The following TAF3 variants were observed in gnomAD, a reference collection of about 807,000 sequenced individuals.
TAF3 encodes the protein TATA-box binding protein associated factor 3, also known as transcription initiation factor TFIID subunit 3.
TAF3 carries 7 observed loss-of-function variants against 80.6 expected under a neutral mutation model. The observed-to-expected ratio is 0.09, with a 90% CI of 0.05 to 0.16. The LOEUF (loss-of-function observed/expected upper bound fraction) is 0.16, where lower values mean the gene tolerates loss of function less well. Among genes scored for constraint, TAF3 ranks in the 10% least tolerant of loss-of-function variants. The pLI, the probability that TAF3 is intolerant of heterozygous loss-of-function variation, is 1.00. For missense variants in TAF3, 921 were observed against 1,140.2 expected (o/e 0.81, Z 2.77); for synonymous variants, 444 against 446.1 (o/e 1.00, Z 0.06).
At chr10:7,895,949 G>A (rs1403494346) in intron 2 of TAF3, among the ~76,000 whole-genome samples, 4 of 152,172 alleles carry the variant, frequency 2.6e-5, no homozygotes, top group Non-Finnish European at 5.9e-5. Flanking sequence ...TGACCATGCG[G>A]GGGTGGAAAT....
intron 3 of TAF3, among the ~76,000 whole-genome samples, chr10:7,974,349 T>C (rs968159146): frequency 2.6e-5 from 4 of 152,210 alleles, no homozygotes; most frequent in African/African-American, 9.7e-5. Flanking sequence ...GTGGGCAAGT[T>C]GATACGTTAA....
At chr10:7,973,959 C>T (rs1200397256) in intron 3 of TAF3, among the ~76,000 whole-genome samples, 2 of 151,934 alleles carry the variant, frequency 1.3e-5, no homozygotes, top group East Asian at 3.9e-4. Context: ...GAAACCCTGT[C>T]TCTAATACAA....
At chr10:7,924,069 C>T (rs1213497704) in intron 2 of TAF3, among the ~76,000 whole-genome samples, 6 of 152,144 alleles carry the variant, frequency 3.9e-5, no homozygotes, top group Non-Finnish European at 7.3e-5. Context: ...TCTCTTTGCG[C>T]ACACCAATGC....
chr10:7,911,359 T>A (rs1837655551), intron 2 of TAF3, among the ~76,000 whole-genome samples: 1 of 152,252 alleles, frequency 6.6e-6, no homozygotes. Flanking sequence ...GAGAAAATAC[T>A]TAAGTTACTG....
At chr10:7,860,290 GAAA>G (rs928520189) in intron 2 of TAF3, among the ~76,000 whole-genome samples, 1 of 135,794 alleles carries the variant, frequency 7.4e-6, no homozygotes. Flanking sequence ...AAAAAAAGAA[GAAA>G]AAAAAAAAGA....
At position 7,965,520 on chromosome 10, in the gene TAF3, A is replaced by G. The variant is rs1831561606; in HGVS notation, c.2010A>G (p.Thr670=). The G allele has an allele frequency of 1.2e-6, 2 of 1,603,044 alleles. No individual in the cohort carries two copies. The highest frequency in any genetic ancestry group is 8.5e-7 in the Non-Finnish European group (1 of 1,177,300). Residue 670 remains threonine (T), a synonymous_variant, in exon 3 of 7, where the codon ACA becomes ACG. Coordinates refer to ENST00000344293, the MANE Select transcript of TAF3 (RefSeq NM_031923.4). The part of the protein sequence containing the change: ...ELALPLFSPA[T]ASRVPAMLPS... ...CCCTGCCCTTGTTCAGCCCTGCCAC[A>G]GCCTCCAGGGTCCCAGCCATGCTGC...
intron 2 of TAF3, among the ~76,000 whole-genome samples, chr10:7,886,138 G>A (rs983153724): frequency 6.6e-6 from 1 of 151,932 alleles, no homozygotes; most frequent in Non-Finnish European, 1.5e-5. Context: ...TATGTTGCCT[G>A]GGCTGGTCTC....
intron 2 of TAF3, among the ~76,000 whole-genome samples, chr10:7,918,957 CAGA>C (rs1004363195): frequency 1.1e-4 from 17 of 152,100 alleles, no homozygotes; most frequent in South Asian, 2.1e-4. Context: ...GCGTGGTATA[CAGA>C]AGAAGAAATT....
intron 4 of TAF3, among the ~76,000 whole-genome samples, chr10:7,981,177 G>A (rs1831722299): frequency 6.6e-6 from 1 of 152,210 alleles, no homozygotes; most frequent in Non-Finnish European, 1.5e-5. Flanking sequence ...TAGGGTAGAG[G>A]AATAAGCATT....
At chr10:7,904,832 C>G (rs879832871) in intron 2 of TAF3, among the ~76,000 whole-genome samples, 2 of 152,008 alleles carry the variant, frequency 1.3e-5, no homozygotes, top group African/African-American at 4.8e-5. Flanking sequence ...CGGGGCCGAC[C>G]GTAACTGGCT....
intron 3 of TAF3, among the ~76,000 whole-genome samples, chr10:7,976,413 A>ATT (rs1220558314): frequency 3.1e-4 from 40 of 128,626 alleles, no homozygotes; most frequent in Non-Finnish European, 5.0e-4. Flanking sequence ...TGACTGGCTA[A>ATT]TTTTTTTTTT....
At chr10:7,827,462 C>T (rs145722072) in intron 2 of TAF3, among the ~76,000 whole-genome samples, 1,602 of 151,890 alleles carry the variant, frequency 0.011, 26 homozygotes, top group African/African-American at 0.037. Flanking sequence ...GCCTGGGCAA[C>T]GTCATGAGAC....
At chr10:7,907,675 C>A (rs1837618746) in intron 2 of TAF3, among the ~76,000 whole-genome samples, 1 of 152,204 alleles carries the variant, frequency 6.6e-6, no homozygotes, top group African/African-American at 2.4e-5. Context: ...TCATCCATTG[C>A]CCTGCCCATT....
At chr10:7,893,116 A>G (rs1837472381) in intron 2 of TAF3, among the ~76,000 whole-genome samples, 1 of 152,120 alleles carries the variant, frequency 6.6e-6, no homozygotes, top group Non-Finnish European at 1.5e-5. Flanking sequence ...CACCGTGCCC[A>G]GCTTCAATAT....
intron 2 of TAF3, among the ~76,000 whole-genome samples, chr10:7,836,540 C>T (rs1449403404): frequency 2.0e-5 from 3 of 152,268 alleles, no homozygotes; most frequent in African/African-American, 7.2e-5. Context: ...TCCCAAAGTG[C>T]TGGGATTACA....
intron 2 of TAF3, among the ~76,000 whole-genome samples, chr10:7,960,791 T>C (rs1838182523): frequency 6.6e-6 from 1 of 152,188 alleles, no homozygotes; most frequent in Non-Finnish European, 1.5e-5. Flanking sequence ...TTTAGAATAG[T>C]GATTTTCAAA....
chr10:7,888,891 C>G (rs1837434446), intron 2 of TAF3, among the ~76,000 whole-genome samples: 2 of 152,208 alleles, frequency 1.3e-5, no homozygotes, highest in African/African-American at 4.8e-5. Flanking sequence ...TTTTTCTTCT[C>G]TACTGTTGGT....
chr10:8,011,051 A>G (rs957593190), intron 5 of TAF3, among the ~76,000 whole-genome samples: 4 of 152,196 alleles, frequency 2.6e-5, no homozygotes, highest in African/African-American at 9.7e-5. Context: ...ATAGAATTAA[A>G]CACACAAACA....
chr10:7,922,071 G>C (rs1837767989), intron 2 of TAF3, among the ~76,000 whole-genome samples: 2 of 152,106 alleles, frequency 1.3e-5, no homozygotes, highest in African/African-American at 4.8e-5. Context: ...CCTTAACAGT[G>C]ATGGCCTGTT....
Sources: allele counts gnomAD v4.1 joint callset (sites outside exome capture counted in the v4.1 genomes callset), GRCh38; gene constraint gnomAD v4.1.1; transcripts MANE v1.5; gene names NCBI Gene and HGNC (gene_info 2026-07-23, HGNC 2026-07-21).